HAS3: variants seen among roughly 807,000 people sequenced by gnomAD.
The protein encoded by HAS3 is hyaluronan synthase 3.
Under a neutral mutation model 50.3 loss-of-function variants are expected in HAS3, and 27 were observed. The observed-to-expected ratio is 0.54, with a 90% CI of 0.40 to 0.74. The LOEUF (loss-of-function observed/expected upper bound fraction) is 0.74. Among genes scored for constraint, HAS3 ranks in the 30% least tolerant of loss-of-function variants. The pLI, the probability that HAS3 is intolerant of heterozygous loss-of-function variation, is 0.00. For synonymous variants in HAS3, 339 were observed against 310.9 expected, an observed-to-expected ratio of 1.09 and a Z score of -0.95; for missense variants, 517 against 742.8, an observed-to-expected ratio of 0.70 and a Z score of 3.53.
chr16:69,118,567 A>G, downstream of HAS3: 1 of 770,864 alleles, frequency 1.3e-6, no homozygotes, highest in Non-Finnish European at 2.3e-6. Context: ...AACTAGTAAG[A>G]AACAATGGGC....
the HAS3 span, among the ~76,000 whole-genome samples, chr16:69,100,395 A>G: frequency 1.3e-5 from 2 of 152,152 alleles, no homozygotes; most frequent in African/African-American, 2.4e-5. Context: ...CTTAGCTTCA[A>G]GAGGTTTTCA....
chr16:69,118,653 C>T, downstream of HAS3: 1 of 694,482 alleles, frequency 1.4e-6, no homozygotes, highest in South Asian at 1.5e-5. Context: ...GGATTATTCC[C>T]ACCTGCCACA....
rs1223864369 is a variant in HAS3 at position 69,116,561 on chromosome 16, C to G, written c.*1295C>G. 2 of 985,630 alleles carry G rather than the reference C, an allele frequency of 2.0e-6. No individual in the cohort carries two copies. Among genetic ancestry groups the G allele is most frequent in the African/African-American group, 1.7e-5 (1 of 57,256 alleles). 61.1% of individuals were successfully genotyped at this position (985,630 alleles called of 1,614,324 possible). A position where few individuals can be genotyped will look rare whatever the true frequency, so the allele number is the denominator to read the frequency against. ...TCCTCAGTGGCTTCTCCAGGGAATT[C>G]TTACAGCCAAGTTGTGACAGTCACT... On this transcript the variant is annotated 3_prime_UTR_variant, in exon 4 of 4. Coordinates refer to ENST00000569188, the MANE Select transcript of HAS3 (RefSeq NM_001199280.2).
chr16:69,098,662 ATTTTTTTTT>A, the HAS3 span, among the ~76,000 whole-genome samples: 20 of 98,196 alleles, frequency 2.0e-4, no homozygotes, highest in Middle Eastern at 6.2e-3. Context: ...ATCAAACCTG[ATTTTTTTTT>A]TTTTTTTTTT....
At chr16:69,118,341 G>C (rs771645177), downstream of HAS3, 1 of 1,523,764 alleles carries the variant, frequency 6.6e-7, no homozygotes. Flanking sequence ...CCATCTCCCT[G>C]TTCTGTGTTC....
the HAS3 span, among the ~76,000 whole-genome samples, chr16:69,098,662 ATTTTTTTTTTT>A: frequency 1.0e-5 from 1 of 98,196 alleles, no homozygotes; most frequent in Admixed American, 1.1e-4. Context: ...ATCAAACCTG[ATTTTTTTTTTT>A]TTTTTTTTTT....
the HAS3 span, among the ~76,000 whole-genome samples, chr16:69,087,919 G>A: frequency 1.3e-5 from 2 of 149,904 alleles, no homozygotes; most frequent in African/African-American, 4.9e-5. Flanking sequence ...AGCCAGGCTG[G>A]TCTCCAACTC....
chr16:69,104,329 C>T (rs1960731597), upstream of HAS3, among the ~76,000 whole-genome samples: 1 of 145,394 alleles, frequency 6.9e-6, no homozygotes, highest in African/African-American at 2.6e-5. Flanking sequence ...TGGAGTCTCA[C>T]TCTGTCGCCC....
intron 3 of HAS3, 101 bp downstream of exon 3, chr16:69,113,643 G>T (rs1961082588): frequency 4.3e-6 from 3 of 701,504 alleles, no homozygotes; most frequent in South Asian, 3.6e-5. Context: ...TCCTAGTATT[G>T]GGGGGAGGTT....
chr16:69,108,040 C>G (rs1960866906), intron 1 of HAS3, among the ~76,000 whole-genome samples: 1 of 152,202 alleles, frequency 6.6e-6, no homozygotes. Context: ...TTCCTGAGAC[C>G]TAAGAGTTGG....
At position 69,115,793 on chromosome 16, in the gene HAS3, G is replaced by A; in HGVS notation, c.*527G>A. The A allele has an allele frequency of 4.1e-6, 4 of 986,136 alleles. No homozygotes were observed. Among genetic ancestry groups the A allele is most frequent in the Non-Finnish European group, 4.8e-6 (4 of 830,226 alleles). 61.1% of individuals were successfully genotyped at this position (986,136 alleles called of 1,614,324 possible). On this transcript the variant is annotated 3_prime_UTR_variant, in exon 4 of 4. Coordinates refer to ENST00000569188, the MANE Select transcript of HAS3 (RefSeq NM_001199280.2). Reference sequence around the variant, plus strand: ...CCTGAGATACAAGGCCCAGAAGCCTGATCTTTGGGCATCAGAAAACAGGGT... The same window carrying A: ...CCTGAGATACAAGGCCCAGAAGCCTAATCTTTGGGCATCAGAAAACAGGGT...
chr16:69,099,250 C>T, the HAS3 span, among the ~76,000 whole-genome samples: 23 of 151,498 alleles, frequency 1.5e-4, no homozygotes, highest in Non-Finnish European at 3.1e-4. Context: ...GGATTACAGG[C>T]GTGAGCCACC....
chr16:69,092,782 C>A, the HAS3 span, among the ~76,000 whole-genome samples: 1 of 151,930 alleles, frequency 6.6e-6, no homozygotes, highest in Non-Finnish European at 1.5e-5. Flanking sequence ...ATCATTTGAG[C>A]CCAGGAGTTT....
intron 1 of HAS3, 88 bp downstream of exon 1, chr16:69,105,875 A>G (rs189204160): frequency 1.3e-5 from 2 of 152,356 alleles, no homozygotes; most frequent in African/African-American, 4.8e-5. Context: ...GTATCTGGAA[A>G]GTTAACGACG....
At chr16:69,088,577 A>AAAGAC in the HAS3 span, among the ~76,000 whole-genome samples, 1 of 151,996 alleles carries the variant, frequency 6.6e-6, no homozygotes, top group East Asian at 1.9e-4. Context: ...AAAAAAAAGA[A>AAAGAC]AAGACAAGAA....
chr16:69,115,659 C>A lies in HAS3; in HGVS notation c.*393C>A, dbSNP rs115237502. The stretch of plus-strand genomic sequence containing the variant: ...GCGGAAGGAGGTTCTCCCAGCCCAT[C>A]TGAACACAACCAGAGGTGGCAGGAG... On this transcript the variant is annotated 3_prime_UTR_variant, in exon 4 of 4. Transcript: ENST00000569188. The A allele has an allele frequency of 1.0e-6, 1 of 999,132 alleles. No individual in the cohort carries two copies. The highest frequency in any genetic ancestry group is 1.2e-6 in the Non-Finnish European group (1 of 839,408). 61.9% of individuals were successfully genotyped at this position (999,132 alleles called of 1,614,324 possible).
intron 2 of HAS3, among the ~76,000 whole-genome samples, chr16:69,112,753 A>C (rs906405241): frequency 2.6e-5 from 4 of 152,222 alleles, no homozygotes; most frequent in Non-Finnish European, 5.9e-5. Context: ...ACCTGTTAGA[A>C]TCAGGCCATA....
chr16:69,096,215 C>CAAA, the HAS3 span, among the ~76,000 whole-genome samples: 5 of 58,088 alleles, frequency 8.6e-5, no homozygotes, highest in African/African-American at 2.1e-4. Flanking sequence ...GACTCCGTCT[C>CAAA]AAAAAAAAAA....
chr16:69,115,328 G>GA lies in HAS3; in HGVS notation c.*66dup. On this transcript the variant is annotated 3_prime_UTR_variant, in exon 4 of 4. Coordinates refer to ENST00000569188, the MANE Select transcript of HAS3 (RefSeq NM_001199280.2). ...TAAGGGAGGGAAGGGGAATGGAAGA[G>GA]AAAAGACAGGGTGGGAGGGAGGAGG... The GA allele has an allele frequency of 6.8e-7, 1 of 1,474,382 alleles. No individual in the cohort carries two copies. Among genetic ancestry groups the GA allele is most frequent in the Non-Finnish European group, 8.9e-7 (1 of 1,117,336 alleles). 91.3% of individuals were successfully genotyped at this position (1,474,382 alleles called of 1,614,324 possible). A position where few individuals can be genotyped will look rare whatever the true frequency, so the allele number is the denominator to read the frequency against.
Sources: gnomAD v4.1 joint callset for allele counts (sites outside exome capture counted in the v4.1 genomes callset) on GRCh38, gnomAD v4.1.1 for gene constraint, MANE v1.5 for transcripts, NCBI Gene and HGNC (gene_info 2026-07-23, HGNC 2026-07-21) for gene names.